Variants in DTNA observed in about 807,000 individuals in gnomAD.
DTNA encodes the protein dystrobrevin alpha.
A neutral mutation model predicts 100.7 loss-of-function variants in DTNA; 43 were observed. The ratio of observed to expected loss-of-function variants is 0.43; its 90% confidence interval spans 0.33 to 0.55. The LOEUF is 0.55. Among genes scored for constraint, DTNA ranks in the 20% least tolerant of loss-of-function variants. The pLI is 0.04. For missense variants in DTNA, 798 were observed against 953.9 expected (o/e 0.84, Z 2.15); for synonymous variants, 349 against 347.9 (o/e 1.00, Z -0.04).
At chr18:34,794,989 A>G (rs2094908572) in intron 4 of DTNA, among the ~76,000 whole-genome samples, 1 of 152,194 alleles carries the variant, frequency 6.6e-6, no homozygotes, top group East Asian at 1.9e-4. Context: ...AGGTTTCTTT[A>G]CCAAGGTATA....
intron 10 of DTNA, among the ~76,000 whole-genome samples, chr18:34,828,039 A>G (rs1031673267): frequency 1.3e-5 from 2 of 152,202 alleles, no homozygotes; most frequent in Admixed American, 6.5e-5. Flanking sequence ...ATGGTGTGTT[A>G]CTATATAAAT....
chr18:34,821,557 T>C (rs1372850479), intron 9 of DTNA: 1 of 455,712 alleles, frequency 2.2e-6, no homozygotes, highest in Non-Finnish European at 4.4e-6. Context: ...GTTTCATGCC[T>C]TTGAACCTCT....
intron 1 of DTNA, among the ~76,000 whole-genome samples, chr18:34,743,657 A>G (rs2147830749): frequency 6.6e-6 from 1 of 152,316 alleles, no homozygotes; most frequent in Middle Eastern, 3.4e-3. Flanking sequence ...TCCTTCTGCA[A>G]CATAGAATTT....
chr18:34,589,603 T>C (rs1230528612), intron 1 of DTNA, among the ~76,000 whole-genome samples: 2 of 152,110 alleles, frequency 1.3e-5, no homozygotes, highest in Non-Finnish European at 1.5e-5. Context: ...ATCCAGACTC[T>C]GTCTCAAAAC....
At chr18:34,877,947 C>A in intron 19 of DTNA, 139 bp downstream of exon 19, 1 of 836,644 alleles carries the variant, frequency 1.2e-6, no homozygotes, top group Non-Finnish European at 1.9e-6. Flanking sequence ...TTGGTCTATT[C>A]AGATTTGAGG....
intron 1 of DTNA, among the ~76,000 whole-genome samples, chr18:34,584,516 A>G (rs2048934048): frequency 6.6e-6 from 1 of 152,064 alleles, no homozygotes; most frequent in African/African-American, 2.4e-5. Flanking sequence ...AATCAACAGA[A>G]CAAAGATGAG....
At chr18:34,762,989 G>A (rs533308402) in intron 2 of DTNA, among the ~76,000 whole-genome samples, 6 of 152,260 alleles carry the variant, frequency 3.9e-5, no homozygotes, top group African/African-American at 1.4e-4. Context: ...ACTTCAATCA[G>A]AGGAAAGTGC....
intron 1 of DTNA, among the ~76,000 whole-genome samples, chr18:34,682,958 A>G (rs2078338356): frequency 6.6e-6 from 1 of 152,146 alleles, no homozygotes; most frequent in Non-Finnish European, 1.5e-5. Context: ...TATCAAATTA[A>G]TGGGAAGATT....
At chr18:34,516,251 G>A (rs746237226) in intron 1 of DTNA, among the ~76,000 whole-genome samples, 3 of 152,074 alleles carry the variant, frequency 2.0e-5, no homozygotes, top group Non-Finnish European at 2.9e-5. Context: ...GTTTTTATTA[G>A]TGATTTTAAA....
At chr18:34,843,466 C>T (rs2096310885) in intron 13 of DTNA, among the ~76,000 whole-genome samples, 1 of 152,046 alleles carries the variant, frequency 6.6e-6, no homozygotes, top group Non-Finnish European at 1.5e-5. Context: ...AATTTATTTT[C>T]TCACTGTTCT....
At chr18:34,697,145 A>G (rs2080686321) in intron 1 of DTNA, among the ~76,000 whole-genome samples, 1 of 152,220 alleles carries the variant, frequency 6.6e-6, no homozygotes. Context: ...ACTCTGTACC[A>G]GGTTCAATAT....
chr18:34,637,110 G>T (rs545239461), intron 1 of DTNA, among the ~76,000 whole-genome samples: 1 of 152,158 alleles, frequency 6.6e-6, no homozygotes, highest in Non-Finnish European at 1.5e-5. Context: ...CCTTGCTTGC[G>T]TAATTGCTGA....
At chr18:34,496,242 A>ACACC (rs2039205581) in intron 1 of DTNA, among the ~76,000 whole-genome samples, 1 of 149,392 alleles carries the variant, frequency 6.7e-6, no homozygotes, top group South Asian at 2.1e-4. Context: ...ACACACACAC[A>ACACC]CACCAGAATT....
intron 1 of DTNA, among the ~76,000 whole-genome samples, chr18:34,673,360 G>A (rs538178821): frequency 1.3e-5 from 2 of 152,026 alleles, no homozygotes; most frequent in South Asian, 2.1e-4. Context: ...GGCTGGTCCC[G>A]AACTCCTGGG....
intron 6 of DTNA, 71 bp from the exon 7 acceptor site, chr18:34,815,838 T>TAA (rs2095584294): frequency 7.8e-7 from 1 of 1,281,930 alleles, no homozygotes. Flanking sequence ...TCTCAAATGA[T>TAA]ATGATATTTA....
chr18:34,537,358 G>A (rs1386702016), intron 1 of DTNA, among the ~76,000 whole-genome samples: 1 of 151,876 alleles, frequency 6.6e-6, no homozygotes, highest in Non-Finnish European at 1.5e-5. Context: ...AAAATTTGCA[G>A]TGCTGAAAAT....
chr18:34,606,429 A>G (rs755242561), intron 1 of DTNA, among the ~76,000 whole-genome samples: 7 of 152,212 alleles, frequency 4.6e-5, no homozygotes, highest in Non-Finnish European at 8.8e-5. Context: ...TCTATTTTTT[A>G]TAATCATTTC....
intron 1 of DTNA, among the ~76,000 whole-genome samples, chr18:34,576,196 G>A (rs1380972341): frequency 6.6e-6 from 1 of 152,170 alleles, no homozygotes; most frequent in African/African-American, 2.4e-5. Flanking sequence ...GGATAAGCCA[G>A]TGGTAAAGCT....
At chr18:34,548,372 G>A (rs2849484) in intron 1 of DTNA, among the ~76,000 whole-genome samples, 19,507 of 152,030 alleles carry the variant, frequency 0.13, 1,552 homozygotes, top group African/African-American at 0.22. Context: ...GGTCAATAGA[G>A]AGCCTAAAGA....
Sources: gnomAD v4.1 joint callset for allele counts (sites outside exome capture counted in the v4.1 genomes callset) on GRCh38, gnomAD v4.1.1 for gene constraint, MANE v1.5 for transcripts, NCBI Gene and HGNC (gene_info 2026-07-23, HGNC 2026-07-21) for gene names.